DPF3: variants seen among roughly 807,000 people sequenced by gnomAD.
The protein encoded by DPF3 is double PHD fingers 3.
DPF3 carries 18 observed loss-of-function variants against 56.8 expected under a neutral mutation model. That is an observed-to-expected ratio of 0.32 (90% confidence interval 0.22 to 0.47). The LOEUF (loss-of-function observed/expected upper bound fraction) is 0.47, where lower values mean the gene tolerates loss of function less well. Among genes scored for constraint, DPF3 ranks in the 20% least tolerant of loss-of-function variants. The pLI, the probability that DPF3 is intolerant of heterozygous loss-of-function variation, is 1.00. For missense variants in DPF3, 403 were observed against 488.8 expected (o/e 0.82, Z 1.65); for synonymous variants, 188 against 180.2 (o/e 1.04, Z -0.35).
chr14:72,871,884 C>T (rs1305882142), intron 1 of DPF3, among the ~76,000 whole-genome samples: 1 of 152,228 alleles, frequency 6.6e-6, no homozygotes, highest in Non-Finnish European at 1.5e-5. Flanking sequence ...CCAGTAGGGA[C>T]TCTGTATGGA....
At position 72,619,333 on chromosome 14, in the gene DPF3, G is replaced by A; in HGVS notation, c.1101C>T (p.Leu367=). 6.5e-7 allele frequency: 1 copy of A among 1,536,128 alleles called. No homozygotes were observed. The highest frequency in any genetic ancestry group is 8.7e-7 in the Non-Finnish European group (1 of 1,146,906). ...SWSCHLCWEL[L]KEKASAFGCQ... is the part of the protein sequence containing the mutation. ...AGCCAAAGGCTGAGGCTTTCTCTTTGAGCAGTTCCCAGCATAAGTGGCAGC... is the reference window on the plus strand; with the variant it reads ...AGCCAAAGGCTGAGGCTTTCTCTTTAAGCAGTTCCCAGCATAAGTGGCAGC... The change falls in exon 11 of 11, where the codon CTC becomes CTT. Residue 367 remains leucine, a synonymous_variant. Transcript: ENST00000556509.
chr14:72,825,528 GT>G (rs1883757185), intron 1 of DPF3, among the ~76,000 whole-genome samples: 1 of 152,256 alleles, frequency 6.6e-6, no homozygotes, highest in South Asian at 2.1e-4. Flanking sequence ...CTTCTTTTCA[GT>G]TCTAGAACAT....
At chr14:72,777,875 G>A (rs577344098) in intron 1 of DPF3, among the ~76,000 whole-genome samples, 6 of 152,254 alleles carry the variant, frequency 3.9e-5, no homozygotes, top group South Asian at 2.1e-4. Flanking sequence ...CCTGCAGAAC[G>A]ATGAGCCAAT....
chr14:72,674,377 A>T lies in DPF3; in HGVS notation c.743-9T>A, dbSNP rs1169429064. 6.2e-7 allele frequency: 1 copy of T among 1,610,320 alleles called. No homozygotes were observed. Among genetic ancestry groups the T allele is most frequent in the East Asian group, 2.2e-5 (1 of 44,812 alleles). Reference sequence around the variant, plus strand: ...ATCCGGTCCTTTCTGGGCTGTGGGAACATTTAAAACATTCCAATTTCAGGC... The same window carrying T: ...ATCCGGTCCTTTCTGGGCTGTGGGATCATTTAAAACATTCCAATTTCAGGC... On this transcript the variant is annotated splice_polypyrimidine_tract_variant and intron_variant, in intron 7 of 10. Transcript: ENST00000556509.
chr14:72,645,319 G>C (rs1243803763), intron 8 of DPF3, among the ~76,000 whole-genome samples: 1 of 150,032 alleles, frequency 6.7e-6, no homozygotes, highest in Non-Finnish European at 1.5e-5. Flanking sequence ...TTCAGAGATA[G>C]GGTTTCACTC....
At chr14:72,802,324 G>A (rs750798476) in intron 1 of DPF3, among the ~76,000 whole-genome samples, 3 of 152,130 alleles carry the variant, frequency 2.0e-5, no homozygotes, top group Admixed American at 6.5e-5. Context: ...CTGTTGCCTC[G>A]GGGGCCCTGA....
intron 8 of DPF3, among the ~76,000 whole-genome samples, chr14:72,666,607 TA>T (rs1886455660): frequency 6.6e-6 from 1 of 152,212 alleles, no homozygotes; most frequent in Non-Finnish European, 1.5e-5. Flanking sequence ...CCCTACCTCA[TA>T]GAGTTAAGCA....
At chr14:72,761,482 G>C (rs1342524058) in intron 2 of DPF3, among the ~76,000 whole-genome samples, 2 of 151,960 alleles carry the variant, frequency 1.3e-5, no homozygotes, top group African/African-American at 4.8e-5. Context: ...ATGAGTAAAA[G>C]AAGAAACCAA....
At chr14:72,712,119 T>A (rs1888677328) in intron 6 of DPF3, among the ~76,000 whole-genome samples, 1 of 148,186 alleles carries the variant, frequency 6.7e-6, no homozygotes, top group African/African-American at 2.5e-5. Context: ...GCAGCACGCA[T>A]GCGGACAGAG....
intron 8 of DPF3, among the ~76,000 whole-genome samples, chr14:72,647,740 A>G (rs1885767605): frequency 6.6e-6 from 1 of 152,202 alleles, no homozygotes; most frequent in Non-Finnish European, 1.5e-5. Flanking sequence ...TAGAACAAGC[A>G]TTACTTTTGA....
chr14:72,653,668 T>C (rs1885983893), intron 8 of DPF3, among the ~76,000 whole-genome samples: 5 of 152,180 alleles, frequency 3.3e-5, no homozygotes, highest in Admixed American at 3.3e-4. Context: ...AGAACAATCA[T>C]AGATTTTGAT....
intron 2 of DPF3, among the ~76,000 whole-genome samples, chr14:72,757,412 G>A (rs1348257555): frequency 6.6e-6 from 1 of 152,026 alleles, no homozygotes; most frequent in Non-Finnish European, 1.5e-5. Flanking sequence ...CTCCCTATAA[G>A]TTATACCAAT....
chr14:72,824,071 C>T (rs1387983920), intron 1 of DPF3, among the ~76,000 whole-genome samples: 1 of 152,130 alleles, frequency 6.6e-6, no homozygotes, highest in African/African-American at 2.4e-5. Context: ...GAAATATCTT[C>T]TAGAAGCTGA....
chr14:72,703,501 C>T lies in DPF3; in HGVS notation c.605-10288G>A, dbSNP rs1389517943. On this transcript the variant is annotated intron_variant, in intron 6 of 10. Coordinates refer to ENST00000556509, the MANE Select transcript of DPF3 (RefSeq NM_001280542.3). ...TTCTATCACCTGATTTCTGGATCCT[C>T]AGCAGGGAAATGCAGAAACCCCCCA... 2.5e-5 allele frequency among the ~76,000 whole-genome samples: 3 copies of T among 121,136 alleles called. No homozygotes were observed. The East Asian group carries it at 7.5e-4, about 30-fold the overall frequency. The allele number at this position is 121,136 out of a possible 152,430, so 79.5% of individuals were successfully genotyped here.
chr14:72,674,155 T>C, intron 8 of DPF3, 85 bp downstream of exon 8: 10 of 1,478,472 alleles, frequency 6.8e-6, no homozygotes, highest in Non-Finnish European at 9.0e-6. Flanking sequence ...CCCTCTCCAG[T>C]CTCCAGCACC....
intron 1 of DPF3, among the ~76,000 whole-genome samples, chr14:72,861,501 C>A (rs1885404213): frequency 6.6e-6 from 1 of 152,036 alleles, no homozygotes. Context: ...ATGATTGTAG[C>A]AGTTTTAAAA....
chr14:72,645,601 C>T (rs138495298), intron 8 of DPF3, among the ~76,000 whole-genome samples: 2 of 152,292 alleles, frequency 1.3e-5, no homozygotes, highest in East Asian at 3.9e-4. Flanking sequence ...GGCATCAACC[C>T]ATTCCTCCTT....
chr14:72,862,836 G>T (rs1038905093), intron 1 of DPF3, among the ~76,000 whole-genome samples: 1 of 152,000 alleles, frequency 6.6e-6, no homozygotes, highest in Non-Finnish European at 1.5e-5. Flanking sequence ...TCTTTACTTA[G>T]TTACATTATC....
rs1017688838 is a variant in DPF3 at position 72,759,303 on chromosome 14, G to C, written c.194-5932C>G. ...AAGAAAAAAAAATAATGGCATAAATGAGCTGTGGGGCAACTTCAAACAGCC... is the reference window on the plus strand; with the variant it reads ...AAGAAAAAAAAATAATGGCATAAATCAGCTGTGGGGCAACTTCAAACAGCC... On this transcript the variant is annotated intron_variant, in intron 2 of 10. Coordinates refer to ENST00000556509, the MANE Select transcript of DPF3 (RefSeq NM_001280542.3). 2.6e-5 allele frequency among the ~76,000 whole-genome samples: 4 copies of C among 152,148 alleles called. No individual in the cohort carries two copies. The East Asian group carries it at 7.7e-4, about 29-fold the overall frequency.
Sources: gnomAD v4.1 joint callset for allele counts (sites outside exome capture counted in the v4.1 genomes callset) on GRCh38, gnomAD v4.1.1 for gene constraint, MANE v1.5 for transcripts, NCBI Gene and HGNC (gene_info 2026-07-23, HGNC 2026-07-21) for gene names.